ZMIZ1: variants seen among roughly 807,000 people sequenced by gnomAD.
The protein encoded by ZMIZ1 is zinc finger MIZ-type containing 1.
A neutral mutation model predicts 113.9 loss-of-function variants in ZMIZ1; 17 were observed. That is an observed-to-expected ratio of 0.15 (90% CI 0.10 to 0.22). The LOEUF is 0.22. ZMIZ1 is among the 10% of genes least tolerant of loss of function. The probability of loss-of-function intolerance (pLI) is 1.00; values close to 1 mark genes in which losing one functional copy is unlikely to be tolerated. For synonymous variants in ZMIZ1, 607 were observed against 603.1 expected, an observed-to-expected ratio of 1.01 and a Z score of -0.09; for missense variants, 1,059 against 1,477.8, an observed-to-expected ratio of 0.72 and a Z score of 4.65.
At chr10:79,240,861 C>A (rs1849801113) in intron 7 of ZMIZ1, among the ~76,000 whole-genome samples, 1 of 151,996 alleles carries the variant, frequency 6.6e-6, no homozygotes, top group South Asian at 2.1e-4. Context: ...CTGGTATAAA[C>A]CTCTGCTCAA....
At chr10:79,124,389 A>G (rs986680538) in intron 2 of ZMIZ1, among the ~76,000 whole-genome samples, 1 of 152,252 alleles carries the variant, frequency 6.6e-6, no homozygotes, top group Non-Finnish European at 1.5e-5. Context: ...CACACAGGTT[A>G]TAGTGGAGCT....
chr10:79,074,291 G>C (rs1344591329), intron 1 of ZMIZ1, among the ~76,000 whole-genome samples: 1 of 152,144 alleles, frequency 6.6e-6, no homozygotes, highest in East Asian at 1.9e-4. Flanking sequence ...AGCCAGGCTC[G>C]GACACGGTGC....
intron 1 of ZMIZ1, among the ~76,000 whole-genome samples, chr10:79,070,616 C>T (rs938360581): frequency 5.3e-5 from 8 of 151,958 alleles, no homozygotes; most frequent in Admixed American, 3.9e-4. Flanking sequence ...CAAACTTTTT[C>T]CTTCTCTGCC....
At chr10:79,300,690 C>A in intron 16 of ZMIZ1, 42 bp from the exon 17 acceptor site, 1 of 1,588,416 alleles carries the variant, frequency 6.3e-7, no homozygotes, top group South Asian at 1.1e-5. Context: ...CATGGACAGC[C>A]CCCTGGCAGA....
At chr10:79,117,877 G>T (rs1157163375) in intron 1 of ZMIZ1, among the ~76,000 whole-genome samples, 1 of 152,214 alleles carries the variant, frequency 6.6e-6, no homozygotes, top group African/African-American at 2.4e-5. Context: ...CCATGAGGCT[G>T]ATCCCTCTTT....
At chr10:79,186,220 G>C (rs1375636152) in intron 4 of ZMIZ1, among the ~76,000 whole-genome samples, 1 of 152,214 alleles carries the variant, frequency 6.6e-6, no homozygotes, top group Non-Finnish European at 1.5e-5. Flanking sequence ...CCCCTGGTCT[G>C]TCCCATGGTC....
Position 79,313,763 on chromosome 10 carries a change from T to A in ZMIZ1, c.*1014T>A. On this transcript the variant is annotated 3_prime_UTR_variant, in exon 25 of 25. Coordinates refer to ENST00000334512, the MANE Select transcript of ZMIZ1 (RefSeq NM_020338.4). The stretch of plus-strand genomic sequence containing the variant: ...ACCATTTCTCTCCGTCTGTTCTGTT[T>A]TTCTCCTAGTCCCTCTCCTGCCACC... The A allele has an allele frequency of 3.1e-6, 1 of 326,696 alleles. No homozygotes were observed. The allele number at this position is 326,696 out of a possible 1,614,324, so 20.2% of individuals were successfully genotyped here.
chr10:79,302,076 C>T lies in ZMIZ1; in HGVS notation c.2020-31C>T, dbSNP rs774478377. 30 of 1,607,256 alleles carry T rather than the reference C, an allele frequency of 1.9e-5. No homozygotes were observed. In the South Asian group the frequency reaches 2.4e-4, roughly 13 times the overall value. The stretch of plus-strand genomic sequence containing the variant: ...CAGGGCGGGGTGTGGGGACAGTGCA[C>T]AGGAACTGAGTGTCTCCTCTCTCCC... On this transcript the variant is annotated intron_variant, in intron 17 of 24. Coordinates refer to ENST00000334512, the MANE Select transcript of ZMIZ1 (RefSeq NM_020338.4).
At chr10:79,285,048 G>A (rs1433257749) in intron 8 of ZMIZ1, among the ~76,000 whole-genome samples, 1 of 152,122 alleles carries the variant, frequency 6.6e-6, no homozygotes, top group South Asian at 2.1e-4. Context: ...GCTTCTAGGT[G>A]GCCTCTGCAG....
intron 3 of ZMIZ1, among the ~76,000 whole-genome samples, chr10:79,158,511 G>A (rs1035646365): frequency 2.6e-5 from 4 of 152,344 alleles, no homozygotes; most frequent in Non-Finnish European, 5.9e-5. Context: ...CAGGGCTTCA[G>A]CCCCAAGTGT....
At position 79,175,805 on chromosome 10, in the gene ZMIZ1, C is replaced by T. The variant is rs1846834019; in HGVS notation, c.-50+13672C>T. On this transcript the variant is annotated intron_variant, in intron 4 of 24. Transcript: ENST00000334512. ...TGGAGCCCACTCCTTGCAGGCAGCC[C>T]CGGCATTCCTGGCTGCAGCAAACCC... is the stretch of plus-strand genomic sequence containing the variant. Among the ~76,000 whole-genome samples, 2 of 151,858 alleles carry T rather than the reference C, an allele frequency of 1.3e-5. 1 individual carries two copies. Among genetic ancestry groups the T allele is most frequent in the South Asian group, 4.1e-4 (2 of 4,826 alleles).
chr10:79,128,504 C>T (rs898939109), intron 2 of ZMIZ1, among the ~76,000 whole-genome samples: 9 of 152,148 alleles, frequency 5.9e-5, no homozygotes, highest in Admixed American at 4.6e-4. Flanking sequence ...CAGAATGAAT[C>T]GCAGTGGGCA....
At chr10:79,089,025 A>T (rs1265149187) in intron 1 of ZMIZ1, among the ~76,000 whole-genome samples, 1 of 152,214 alleles carries the variant, frequency 6.6e-6, no homozygotes, top group East Asian at 1.9e-4. Context: ...GTGAGGCCAC[A>T]GCTTGATTTT....
chr10:79,130,652 G>A (rs1205266528), intron 2 of ZMIZ1, among the ~76,000 whole-genome samples: 7 of 152,114 alleles, frequency 4.6e-5, no homozygotes, highest in Non-Finnish European at 1.0e-4. Context: ...ATAATATGAG[G>A]GTCTGATTCC....
chr10:79,247,451 C>A (rs1488587770), intron 7 of ZMIZ1, among the ~76,000 whole-genome samples: 2 of 152,194 alleles, frequency 1.3e-5, no homozygotes, highest in African/African-American at 2.4e-5. Flanking sequence ...GCGTGAGGAC[C>A]CCTGGGTGGG....
intron 2 of ZMIZ1, among the ~76,000 whole-genome samples, chr10:79,137,058 A>G (rs932517615): frequency 6.6e-6 from 1 of 152,216 alleles, no homozygotes; most frequent in Non-Finnish European, 1.5e-5. Context: ...GATTCTAAAT[A>G]TATATTTGTA....
intron 1 of ZMIZ1, among the ~76,000 whole-genome samples, chr10:79,078,600 A>G (rs933468265): frequency 8.9e-6 from 1 of 112,144 alleles, no homozygotes; most frequent in African/African-American, 3.6e-5. Context: ...TTTGGAGTGC[A>G]GTGGTGCAAT....
intron 7 of ZMIZ1, among the ~76,000 whole-genome samples, chr10:79,250,400 G>A (rs941601644): frequency 2.0e-5 from 3 of 152,258 alleles, no homozygotes; most frequent in African/African-American, 4.8e-5. Context: ...GAGAAGGTCA[G>A]GGGACAGAGG....
chr10:79,278,889 C>T (rs1004519071), intron 8 of ZMIZ1, among the ~76,000 whole-genome samples: 2 of 152,226 alleles, frequency 1.3e-5, no homozygotes, highest in African/African-American at 4.8e-5. Context: ...CCCCACATTT[C>T]CCCCTTTTCT....
Sources: allele counts gnomAD v4.1 joint callset (sites outside exome capture counted in the v4.1 genomes callset), GRCh38; gene constraint gnomAD v4.1.1; transcripts MANE v1.5; gene names NCBI Gene and HGNC (gene_info 2026-07-23, HGNC 2026-07-21).